The following TGS1 variants were observed in gnomAD, a reference collection of about 807,000 sequenced individuals.
TGS1 encodes trimethylguanosine synthase.
Under a neutral mutation model 92.2 loss-of-function variants are expected in TGS1, and 69 were observed. The observed-to-expected ratio is 0.75, with a 90% CI of 0.62 to 0.91. The LOEUF (loss-of-function observed/expected upper bound fraction) is 0.91. Among genes scored for constraint, TGS1 ranks in the 40% least tolerant of loss-of-function variants. The pLI is 0.00. For synonymous variants in TGS1, 345 were observed against 338.1 expected, an observed-to-expected ratio of 1.02 and a Z score of -0.22; for missense variants, 1,062 against 1,001.2, an observed-to-expected ratio of 1.06 and a Z score of -0.82.
rs1803400572 is a variant in TGS1, at chr8:55,813,853, T to G, written c.2439+735T>G. ...AGGTTTTCCAACTCAGGCATTTCTATTCTATTATGAAGTCCAATTTATCTT... is the reference window on the plus strand; with the variant it reads ...AGGTTTTCCAACTCAGGCATTTCTAGTCTATTATGAAGTCCAATTTATCTT... On this transcript the variant is annotated intron_variant, in intron 12 of 12. Transcript: ENST00000260129. Among the ~76,000 whole-genome samples, 3 of 152,240 alleles carry G rather than the reference T, an allele frequency of 2.0e-5. No individual in the cohort carries two copies. In the South Asian group the frequency reaches 6.2e-4, roughly 31 times the overall value.
intron 1 of TGS1, among the ~76,000 whole-genome samples, chr8:55,774,576 C>A (rs1487118238): frequency 6.6e-6 from 1 of 152,042 alleles, no homozygotes; most frequent in African/African-American, 2.4e-5. Flanking sequence ...TTTAGTCAGG[C>A]ATGCATGTAG....
At chr8:55,777,334 A>G (rs1811430268) in intron 1 of TGS1, among the ~76,000 whole-genome samples, 1 of 150,640 alleles carries the variant, frequency 6.6e-6, no homozygotes. Flanking sequence ...CCATGTAGCA[A>G]GATCTTCCCA....
rs180916689 is a variant in TGS1, at chr8:55,810,747, T to C, written c.2144-134T>C. The stretch of plus-strand genomic sequence containing the variant: ...TAAACTGAAGTCTGTATCTCGGGTA[T>C]ATGTGGCCAAATGTCTCCTCCTCTT... On this transcript the variant is annotated intron_variant, in intron 10 of 12. Transcript: ENST00000260129. 1.0e-4 allele frequency: 72 copies of C among 687,936 alleles called. No homozygotes were observed. In the East Asian group the frequency reaches 1.6e-3, roughly 15 times the overall value. The allele number at this position is 687,936 out of a possible 1,614,324, so 42.6% of individuals were successfully genotyped here. A position where few individuals can be genotyped will look rare whatever the true frequency, so the allele number is the denominator to read the frequency against.
intron 12 of TGS1, 124 bp downstream of exon 12, chr8:55,813,242 CT>C: frequency 1.5e-6 from 1 of 660,040 alleles, no homozygotes; most frequent in Non-Finnish European, 2.6e-6. Flanking sequence ...ACTGACTATT[CT>C]TAGAAAGCTG....
chr8:55,784,081 G>T (rs1402483686), intron 2 of TGS1, among the ~76,000 whole-genome samples: 1 of 152,056 alleles, frequency 6.6e-6, no homozygotes, highest in Non-Finnish European at 1.5e-5. Flanking sequence ...CTTCATTTTG[G>T]CTATATAAGA....
At chr8:55,801,048 C>T (rs1585776474) in intron 8 of TGS1, among the ~76,000 whole-genome samples, 1 of 152,278 alleles carries the variant, frequency 6.6e-6, no homozygotes, top group Middle Eastern at 3.4e-3. Context: ...AGCTAGTGAC[C>T]CTTGTTTCAG....
rs954985275 is a variant in TGS1, at chr8:55,824,961, G to A, written c.*258G>A. 17 of 333,874 alleles carry A rather than the reference G, an allele frequency of 5.1e-5. No homozygotes were observed. The highest frequency in any genetic ancestry group is 1.5e-4 in the East Asian group (2 of 13,188). The allele number at this position is 333,874 out of a possible 1,614,324, so 20.7% of individuals were successfully genotyped here. On this transcript the variant is annotated 3_prime_UTR_variant, in exon 13 of 13. Coordinates refer to ENST00000260129, the MANE Select transcript of TGS1 (RefSeq NM_024831.8). The stretch of plus-strand genomic sequence containing the variant: ...TTTGAGACAGGATCTCACTTTTACC[G>A]CCCAGGCTGGAGTGCAGTGCCATGA...
At position 55,824,545 on chromosome 8, in the gene TGS1, G is replaced by A. The variant is rs1554566924; in HGVS notation, c.2440-36G>A. On this transcript the variant is annotated intron_variant, in intron 12 of 12. Coordinates refer to ENST00000260129, the MANE Select transcript of TGS1 (RefSeq NM_024831.8). ...TGAAAGACTTTTGAAATTATGCTTA[G>A]GTGTGTGTGTGACTTTCTTCTGTTC... is the stretch of plus-strand genomic sequence containing the variant. 4 of 1,612,934 alleles carry A rather than the reference G, an allele frequency of 2.5e-6. No homozygotes were observed. The Admixed American group carries it at 5.0e-5, about 20-fold the overall frequency.
At chr8:55,818,279 C>T (rs917461106) in intron 12 of TGS1, among the ~76,000 whole-genome samples, 1 of 152,150 alleles carries the variant, frequency 6.6e-6, no homozygotes, top group Non-Finnish European at 1.5e-5. Context: ...TGAAACAATT[C>T]TCCCACCTCG....
intron 12 of TGS1, among the ~76,000 whole-genome samples, chr8:55,817,309 T>C (rs1227135747): frequency 6.6e-6 from 1 of 152,200 alleles, no homozygotes; most frequent in Non-Finnish European, 1.5e-5. Context: ...GATAGATAGA[T>C]AGGTCGATAG....
chr8:55,810,981 C>G lies in TGS1; in HGVS notation c.2244C>G (p.Phe748Leu). The change falls in exon 11 of 13, where the codon TTC (phenylalanine) becomes TTG (leucine). Residue 748 changes from phenylalanine to leucine, a missense_variant. Phe to Leu is a conservative substitution (Grantham distance 22). Coordinates refer to ENST00000260129, the MANE Select transcript of TGS1 (RefSeq NM_024831.8). Reference sequence around the variant, plus strand: ...AGATAGAGTTCATCTGTGGAGATTTCTTGCTGCTGGCTTCTTTTTTAAAGG... The same window carrying G: ...AGATAGAGTTCATCTGTGGAGATTTGTTGCTGCTGGCTTCTTTTTTAAAGG... ...ADKIEFICGD[F>L]LLLASFLKAD... 6.2e-7 allele frequency: 1 copy of G among 1,614,180 alleles called. No homozygotes were observed. Among genetic ancestry groups the G allele is most frequent in the Non-Finnish European group, 8.5e-7 (1 of 1,180,024 alleles).
intron 4 of TGS1, among the ~76,000 whole-genome samples, chr8:55,787,891 G>GAC (rs1211475247): frequency 6.7e-6 from 1 of 149,148 alleles, no homozygotes; most frequent in Non-Finnish European, 1.5e-5. Flanking sequence ...GCAAGAGAGA[G>GAC]AGCAAGAGAG....
intron 4 of TGS1, among the ~76,000 whole-genome samples, chr8:55,787,706 G>T (rs1022531473): frequency 1.3e-5 from 2 of 152,224 alleles, no homozygotes; most frequent in Non-Finnish European, 2.9e-5. Context: ...TGTTTACTTT[G>T]CATTGCTGTA....
chr8:55,793,919 C>T (rs7010835), intron 6 of TGS1, among the ~76,000 whole-genome samples: 22,758 of 151,520 alleles, frequency 0.15, 1,971 homozygotes, highest in African/African-American at 0.24. Flanking sequence ...CGCCTCACCA[C>T]GTACACACAT....
chr8:55,824,008 C>T (rs1803724889), intron 12 of TGS1, among the ~76,000 whole-genome samples: 1 of 151,976 alleles, frequency 6.6e-6, no homozygotes, highest in African/African-American at 2.4e-5. Flanking sequence ...TCCAGATGCT[C>T]AGGAGGCTGA....
intron 12 of TGS1, among the ~76,000 whole-genome samples, chr8:55,822,593 TA>T (rs2130265198): frequency 6.6e-6 from 1 of 151,772 alleles, no homozygotes; most frequent in African/African-American, 2.4e-5. Context: ...CAGACTGGCA[TA>T]AAGATACCAA....
rs73603127 is a variant in TGS1, at chr8:55,787,605, G to A, written c.1162+545G>A. 5.7e-3 allele frequency among the ~76,000 whole-genome samples: 870 copies of A among 152,294 alleles called. 10 individuals are homozygous for A. The highest frequency in any genetic ancestry group is 0.02 in the African/African-American group (816 of 41,566). On this transcript the variant is annotated intron_variant, in intron 4 of 12. Coordinates refer to ENST00000260129, the MANE Select transcript of TGS1 (RefSeq NM_024831.8). ...TTCCTGAATAACTGATCCAAAAAAA[G>A]CTAATTGTGCAAACTGGTGCCACTC...
chr8:55,811,015 G>C lies in TGS1; in HGVS notation c.2278G>C (p.Val760Leu), dbSNP rs1452926651. Residue 760 changes from valine (V) to leucine (L), a missense_variant, in exon 11 of 13, where the codon GTG (valine) becomes CTG (leucine). Physicochemically the swap from Val to Leu is conservative, Grantham distance 32. Coordinates refer to ENST00000260129, the MANE Select transcript of TGS1 (RefSeq NM_024831.8). ...LLASFLKADV[V>L]FLSPPWGGPD... ...GGCTTCTTTTTTAAAGGCTGATGTTGTGTTCCTCAGCCCACCTTGGGGAGG... is the reference window on the plus strand; with the variant it reads ...GGCTTCTTTTTTAAAGGCTGATGTTCTGTTCCTCAGCCCACCTTGGGGAGG... The C allele has an allele frequency of 1.2e-6, 2 of 1,614,188 alleles. No individual in the cohort carries two copies. Among genetic ancestry groups the C allele is most frequent in the Admixed American group, 1.7e-5 (1 of 60,018 alleles).
At chr8:55,798,581 T>C (rs1812124554) in intron 7 of TGS1, among the ~76,000 whole-genome samples, 1 of 152,258 alleles carries the variant, frequency 6.6e-6, no homozygotes, top group Non-Finnish European at 1.5e-5. Flanking sequence ...ACATTTGTAA[T>C]GTAGCTGTAG....
Sources: gnomAD v4.1 joint callset for allele counts (sites outside exome capture counted in the v4.1 genomes callset) on GRCh38, gnomAD v4.1.1 for gene constraint, MANE v1.5 for transcripts, NCBI Gene and HGNC (gene_info 2026-07-23, HGNC 2026-07-21) for gene names.